The following PARVG variants were observed in gnomAD, a reference collection of about 807,000 sequenced individuals.
The protein encoded by PARVG is parvin gamma.
Under a neutral mutation model 44.4 loss-of-function variants are expected in PARVG, and 36 were observed. That is an observed-to-expected ratio of 0.81 (90% confidence interval 0.62 to 1.07). PARVG has a LOEUF of 1.07. Among genes scored for constraint, PARVG ranks in the 50% least tolerant of loss-of-function variants. The pLI is 0.00. For synonymous variants in PARVG, 170 were observed against 174.1 expected (o/e 0.98, Z 0.19); for missense variants, 407 against 407.4 (o/e 1.00, Z 0.01).
At chr22:44,200,826 C>T (rs1356442062) in intron 12 of PARVG, among the ~76,000 whole-genome samples, 4 of 152,066 alleles carry the variant, frequency 2.6e-5, no homozygotes, top group Non-Finnish European at 4.4e-5. Context: ...AGGTGAGGTC[C>T]CCCCTGGACC....
At chr22:44,190,752 TGGGGCGGG>T in intron 7 of PARVG, 86 bp downstream of exon 7, 1 of 1,206,206 alleles carries the variant, frequency 8.3e-7, no homozygotes, top group Non-Finnish European at 1.2e-6. Flanking sequence ...TGGAGCTGGC[TGGGGCGGG>T]GCTGACCCAG....
chr22:44,173,888 G>A (rs560754614), intron 1 of PARVG, among the ~76,000 whole-genome samples: 4 of 152,198 alleles, frequency 2.6e-5, no homozygotes, highest in Non-Finnish European at 5.9e-5. Flanking sequence ...GGGCCCCCCT[G>A]TGCACTGTGC....
intron 9 of PARVG, 197 bp from the exon 10 acceptor site, chr22:44,195,958 C>A: frequency 1.7e-6 from 1 of 596,780 alleles, no homozygotes; most frequent in Non-Finnish European, 3.0e-6. Context: ...CAGAGAGAGA[C>A]GGTGACTCCC....
intron 12 of PARVG, among the ~76,000 whole-genome samples, chr22:44,201,071 A>G (rs542983693): frequency 6.6e-6 from 1 of 151,468 alleles, no homozygotes; most frequent in East Asian, 2.0e-4. Context: ...GTCCTCCCCC[A>G]TTCCCTCACA....
chr22:44,183,520 T>C, intron 3 of PARVG, 112 bp downstream of exon 3: 1 of 1,017,784 alleles, frequency 9.8e-7, no homozygotes, highest in Non-Finnish European at 1.4e-6. Flanking sequence ...GAGCGCCCAA[T>C]TCTGCTCACC....
rs543625544 is a variant in PARVG at position 44,182,926 on chromosome 22, C to T, written c.-12-392C>T. 10 of 185,980 alleles carry T rather than the reference C, an allele frequency of 5.4e-5. No homozygotes were observed. Among genetic ancestry groups the T allele is most frequent in the African/African-American group, 1.4e-4 (6 of 42,192 alleles). 11.5% of individuals were successfully genotyped at this position (185,980 alleles called of 1,614,324 possible). A position where few individuals can be genotyped will look rare whatever the true frequency, so the allele number is the denominator to read the frequency against. On this transcript the variant is annotated intron_variant, in intron 2 of 13. Transcript: ENST00000444313. This position sits in a 1 kb window ranked among gnomAD's most constrained non-coding sequence, Gnocchi z 4.6. ...CGACCGGGGAGGTTTCCCTTGAGCT[C>T]AACCTGACAAGCTCTGAGGAGTGAG...
At chr22:44,193,231 A>T (rs1041147322) in intron 8 of PARVG, among the ~76,000 whole-genome samples, 5 of 151,026 alleles carry the variant, frequency 3.3e-5, no homozygotes, top group Non-Finnish European at 7.4e-5. Flanking sequence ...CAAAAAAAAA[A>T]GAAGAAGAAA....
intron 1 of PARVG, chr22:44,173,284 G>C: frequency 9.4e-7 from 1 of 1,069,144 alleles, no homozygotes; most frequent in Non-Finnish European, 1.2e-6. Context: ...ATGACACATG[G>C]AGGTGGTCTC....
intron 1 of PARVG, among the ~76,000 whole-genome samples, chr22:44,175,246 G>A (rs963178430): frequency 6.6e-6 from 1 of 152,244 alleles, no homozygotes; most frequent in African/African-American, 2.4e-5. Flanking sequence ...TGGGGAGGGG[G>A]CTCTCTGCTT....
At position 44,190,581 on chromosome 22, in the gene PARVG, T is replaced by C; in HGVS notation, c.419T>C (p.Leu140Pro). ...TTCAACAAGGACCTGTTGTCTACCC[T>C]GCACCTCCTTGTGGCCCTGGCCAAG... ...SIFNKDLLST[L>P]HLLVALAKRF... Residue 140 changes from leucine (L) to proline (P), a missense_variant, in exon 7 of 14, where the codon CTG becomes CCG. Leu to Pro is a moderately conservative substitution (Grantham distance 98). Transcript: ENST00000444313. 6 of 1,614,186 alleles carry C rather than the reference T, an allele frequency of 3.7e-6. No individual in the cohort carries two copies. The highest frequency in any genetic ancestry group is 5.1e-6 in the Non-Finnish European group (6 of 1,180,016).
intron 12 of PARVG, among the ~76,000 whole-genome samples, chr22:44,201,715 C>T (rs377292935): frequency 1.2e-4 from 18 of 152,336 alleles, no homozygotes; most frequent in East Asian, 7.7e-4. Context: ...TCCCACAGAC[C>T]GGCAGGTCGG....
upstream of PARVG, among the ~76,000 whole-genome samples, chr22:44,179,610 A>T (rs906374304): frequency 1.3e-5 from 2 of 152,190 alleles, no homozygotes; most frequent in Non-Finnish European, 2.9e-5. The surrounding 1 kb of genome is among the most constrained non-coding windows in gnomAD (Gnocchi z 4.2). Context: ...TTTTGCCATC[A>T]CAGGCTACGA....
Position 44,206,713 on chromosome 22 carries a change from T to A in PARVG, c.*287T>A, listed in dbSNP as rs115138314. 1,039 of 413,734 alleles carry A rather than the reference T, an allele frequency of 2.5e-3. 9 individuals are homozygous for A. The highest frequency in any genetic ancestry group is 0.019 in the African/African-American group (939 of 48,770). The allele number at this position is 413,734 out of a possible 1,614,324, so 25.6% of individuals were successfully genotyped here. On this transcript the variant is annotated 3_prime_UTR_variant, in exon 14 of 14. Coordinates refer to ENST00000444313, the MANE Select transcript of PARVG (RefSeq NM_022141.7). Reference sequence around the variant, plus strand: ...CCTTAAACCTGCAGCCTCCCTCCCATGGGGTGAGTGTGTGTCACATCAGTC... The same window carrying A: ...CCTTAAACCTGCAGCCTCCCTCCCAAGGGGTGAGTGTGTGTCACATCAGTC...
chr22:44,183,646 G>A (rs1183343760), intron 3 of PARVG: 1 of 480,626 alleles, frequency 2.1e-6, no homozygotes, highest in Non-Finnish European at 3.6e-6. Flanking sequence ...GGTGAATACT[G>A]ATTGCTCTCA....
intron 1 of PARVG, among the ~76,000 whole-genome samples, chr22:44,173,463 G>A (rs970976357): frequency 2.6e-5 from 4 of 152,118 alleles, no homozygotes; most frequent in African/African-American, 7.2e-5. Flanking sequence ...TTTCAGGTGC[G>A]TCGAATTTTA....
intron 12 of PARVG, among the ~76,000 whole-genome samples, chr22:44,201,187 C>T (rs972204587): frequency 1.3e-5 from 2 of 152,180 alleles, no homozygotes; most frequent in African/African-American, 4.8e-5. Flanking sequence ...CTCTGCAGTC[C>T]CTCGGCGCTC....
At position 44,185,930 on chromosome 22, in the gene PARVG, G is replaced by A. The variant is rs374072801; in HGVS notation, c.144+58G>A. 2.1e-4 allele frequency: 319 copies of A among 1,528,784 alleles called. 1 individual carries two copies. The East Asian group carries it at 5.4e-3, about 26-fold the overall frequency. The allele number at this position is 1,528,784 out of a possible 1,614,324, so 94.7% of individuals were successfully genotyped here. ...GGTGCCTCTTGGCAGACCAGGCAGC[G>A]GCCTCCACGGGGCGGGGACAGCAGG... On this transcript the variant is annotated intron_variant, in intron 4 of 13. Coordinates refer to ENST00000444313, the MANE Select transcript of PARVG (RefSeq NM_022141.7).
At position 44,189,115 on chromosome 22, in the gene PARVG, G is replaced by C; in HGVS notation, c.249G>C (p.Gln83His). 1 of 1,613,404 alleles carries C rather than the reference G, an allele frequency of 6.2e-7. No individual in the cohort carries two copies. The highest frequency in any genetic ancestry group is 8.5e-7 in the Non-Finnish European group (1 of 1,179,964). The change falls in exon 6 of 14, where the codon CAG (glutamine) becomes CAC (histidine). Residue 83 changes from glutamine to histidine, a missense_variant and splice_region_variant. Coordinates refer to ENST00000444313, the MANE Select transcript of PARVG (RefSeq NM_022141.7). ...CTCACCACCCTCTCCTGCCTCCAGAGAGGCTGGCGGCGCTCAAGCTGGAAG... is the reference window on the plus strand; with the variant it reads ...CTCACCACCCTCTCCTGCCTCCAGACAGGCTGGCGGCGCTCAAGCTGGAAG... ...FDGLILHHLFQRLAALKLEAE... is the reference protein window; with the variant it reads ...FDGLILHHLFHRLAALKLEAE...
intron 12 of PARVG, 65 bp from the exon 13 acceptor site, chr22:44,205,692 G>A: frequency 6.3e-7 from 1 of 1,589,622 alleles, no homozygotes; most frequent in Non-Finnish European, 8.6e-7. Context: ...CTTGGCACTT[G>A]GGACCCAAGG....
Sources: allele counts gnomAD v4.1 joint callset (sites outside exome capture counted in the v4.1 genomes callset), GRCh38; gene constraint gnomAD v4.1.1; non-coding constraint Gnocchi (gnomAD v3.1); transcripts MANE v1.5; gene names NCBI Gene and HGNC (gene_info 2026-07-23, HGNC 2026-07-21).